YEATS4: variants seen among roughly 807,000 people sequenced by gnomAD.
The protein encoded by YEATS4 is YEATS domain-containing protein 4.
Under a neutral mutation model 30.1 loss-of-function variants are expected in YEATS4, and 17 were observed. That is an observed-to-expected ratio of 0.56 (90% confidence interval 0.39 to 0.85). The LOEUF (loss-of-function observed/expected upper bound fraction) is 0.85, where lower values mean the gene tolerates loss of function less well. YEATS4 is among the 40% of genes least tolerant of loss of function. The pLI is 0.00. For synonymous variants in YEATS4, 85 were observed against 87.5 expected (o/e 0.97, Z 0.16); for missense variants, 142 against 268.3 (o/e 0.53, Z 3.29).
the YEATS4 span, among the ~76,000 whole-genome samples, chr12:69,418,910 C>T: frequency 6.7e-6 from 1 of 150,310 alleles, no homozygotes; most frequent in Admixed American, 6.6e-5. Flanking sequence ...ATAGTGAGAC[C>T]CCATCTCCTA....
chr12:69,367,388 GAC>G lies in YEATS4; in HGVS notation c.333+1506_333+1507del, dbSNP rs985149925. Among the ~76,000 whole-genome samples, 63 of 151,102 alleles carry G rather than the reference GAC, an allele frequency of 4.2e-4. 1 individual carries two copies. In the Middle Eastern group the frequency reaches 0.01, roughly 24 times the overall value. On this transcript the variant is annotated intron_variant, in intron 4 of 6. Coordinates refer to ENST00000247843, the MANE Select transcript of YEATS4 (RefSeq NM_006530.4). ...GGCAATAATTTTTTTTTTCTTTTGA[GAC>G]AGAGTTACACTCTGCTGCCCAGGCT...
At chr12:69,394,612 A>T (rs1177607849), downstream of YEATS4, among the ~76,000 whole-genome samples, 1 of 142,884 alleles carries the variant, frequency 7.0e-6, no homozygotes, top group South Asian at 2.1e-4. Flanking sequence ...GAAGATGGAG[A>T]TAGTGTGTTT....
At chr12:69,379,829 C>A (rs1484541135) in intron 6 of YEATS4, among the ~76,000 whole-genome samples, 3 of 151,100 alleles carry the variant, frequency 2.0e-5, no homozygotes, top group Non-Finnish European at 4.4e-5. Flanking sequence ...TTGCAAATAG[C>A]CTCTCTTCAA....
chr12:69,394,309 A>G (rs1428055259), downstream of YEATS4, among the ~76,000 whole-genome samples: 2 of 152,252 alleles, frequency 1.3e-5, no homozygotes, highest in African/African-American at 2.4e-5. Context: ...GCCTAAAGGA[A>G]AAGTGGGACA....
chr12:69,403,592 G>A, the YEATS4 span, among the ~76,000 whole-genome samples: 20,833 of 145,348 alleles, frequency 0.14, 1,833 homozygotes, highest in East Asian at 0.37. Context: ...AAAAAAAAAA[G>A]AAAAAAAGAG....
At chr12:69,400,730 G>C in the YEATS4 span, among the ~76,000 whole-genome samples, 1 of 150,688 alleles carries the variant, frequency 6.6e-6, no homozygotes, top group Non-Finnish European at 1.5e-5. Context: ...GAATTCACTA[G>C]TAATCAGAGA....
the YEATS4 span, among the ~76,000 whole-genome samples, chr12:69,423,923 G>A: frequency 6.6e-6 from 1 of 152,122 alleles, no homozygotes; most frequent in Admixed American, 6.5e-5. Context: ...GGGAGCCTCT[G>A]GGAAAGAGTT....
the YEATS4 span, among the ~76,000 whole-genome samples, chr12:69,421,456 G>A: frequency 0.12 from 17,536 of 151,988 alleles, 1,224 homozygotes; most frequent in East Asian, 0.19. Context: ...CTGCAAATTC[G>A]TATTCACATG....
At chr12:69,379,583 A>AT (rs61048163) in intron 6 of YEATS4, among the ~76,000 whole-genome samples, 875 of 72,236 alleles carry the variant, frequency 0.012, 61 homozygotes, top group Middle Eastern at 0.064. Flanking sequence ...TGCCCAGCTA[A>AT]TTTTTTTTTT....
chr12:69,421,147 A>C, the YEATS4 span, among the ~76,000 whole-genome samples: 2,393 of 152,268 alleles, frequency 0.016, 67 homozygotes, highest in African/African-American at 0.054. Context: ...TGTGAGCCAC[A>C]GCACACAGCT....
chr12:69,362,719 A>C, intron 1 of YEATS4, 69 bp from the exon 2 acceptor site: 6 of 1,189,106 alleles, frequency 5.0e-6, no homozygotes, highest in Non-Finnish European at 6.7e-6. Flanking sequence ...GCAAGTTTTC[A>C]GAGCTCTTAT....
At chr12:69,413,241 T>C in the YEATS4 span, among the ~76,000 whole-genome samples, 1 of 151,780 alleles carries the variant, frequency 6.6e-6, no homozygotes, top group East Asian at 1.9e-4. Context: ...AGTGAGACTT[T>C]GTCTCTACAA....
chr12:69,371,009 ACG>A (rs759730982), intron 6 of YEATS4, 34 bp downstream of exon 6: 6 of 1,582,862 alleles, frequency 3.8e-6, no homozygotes, highest in South Asian at 2.3e-5. Context: ...CTGAAAAATA[ACG>A]TATTCTGTAA....
chr12:69,398,125 A>G, the YEATS4 span, among the ~76,000 whole-genome samples: 325 of 152,292 alleles, frequency 2.1e-3, 1 homozygote, highest in Middle Eastern at 0.017. Flanking sequence ...TTCTTTCCCC[A>G]TAAGATTAGG....
the YEATS4 span, among the ~76,000 whole-genome samples, chr12:69,410,724 C>G: frequency 6.6e-6 from 1 of 152,128 alleles, no homozygotes; most frequent in Non-Finnish European, 1.5e-5. Flanking sequence ...AGAAACCTTC[C>G]GTGGTGAGAC....
At chr12:69,422,164 A>T in the YEATS4 span, among the ~76,000 whole-genome samples, 116 of 152,226 alleles carry the variant, frequency 7.6e-4, no homozygotes, top group Admixed American at 1.2e-3. Context: ...GAGAAGGGAG[A>T]CCTTTTCCTT....
chr12:69,360,127 C>G (rs985001293), intron 1 of YEATS4, 104 bp downstream of exon 1: 3 of 1,343,774 alleles, frequency 2.2e-6, no homozygotes, highest in Admixed American at 4.6e-5. Context: ...GCCTTTTCTC[C>G]TCGGGTTTGA....
intron 6 of YEATS4, among the ~76,000 whole-genome samples, chr12:69,377,605 A>G (rs1291877240): frequency 6.6e-6 from 1 of 152,212 alleles, no homozygotes; most frequent in Non-Finnish European, 1.5e-5. Context: ...CTGGTCATTC[A>G]GAAGCATATT....
the YEATS4 span, among the ~76,000 whole-genome samples, chr12:69,420,406 A>G: frequency 5.1e-4 from 69 of 135,796 alleles, 1 homozygote; most frequent in East Asian, 0.012. Flanking sequence ...TGGTTTGGTT[A>G]GGGGGAGGGG....
Sources: gnomAD v4.1 joint callset for allele counts (sites outside exome capture counted in the v4.1 genomes callset) on GRCh38, gnomAD v4.1.1 for gene constraint, MANE v1.5 for transcripts, NCBI Gene and HGNC (gene_info 2026-07-23, HGNC 2026-07-21) for gene names.